OGDHL: variants seen among roughly 807,000 people sequenced by gnomAD.
OGDHL encodes oxoglutarate dehydrogenase L.
In OGDHL, 79 loss-of-function variants were observed where a neutral mutation model predicts 109.6. The ratio of observed to expected loss-of-function variants is 0.72; its 90% CI spans 0.60 to 0.87. The LOEUF is 0.87. Among genes scored for constraint, OGDHL ranks in the 40% least tolerant of loss-of-function variants. The pLI is 0.00. For missense variants in OGDHL, 1,275 were observed against 1,362.2 expected (o/e 0.94, Z 1.01); for synonymous variants, 528 against 537.2 (o/e 0.98, Z 0.24).
chr10:49,761,095 C>A (rs1181136097), intron 1 of OGDHL, among the ~76,000 whole-genome samples: 1 of 152,180 alleles, frequency 6.6e-6, no homozygotes. Flanking sequence ...GGCTCAGTAT[C>A]TAGAGCCAGA....
Position 49,746,735 on chromosome 10 carries a change from A to C in OGDHL, c.1296+15T>G, listed in dbSNP as rs1842210741. On this transcript the variant is annotated intron_variant, in intron 10 of 22. Coordinates refer to ENST00000374103, the MANE Select transcript of OGDHL (RefSeq NM_018245.3). The stretch of plus-strand genomic sequence containing the variant: ...GCTGACGCTGTGAGGCCCAGCGTGG[A>C]GCCTACATGCTCACCTGGTTGTTGA... The C allele has an allele frequency of 6.2e-7, 1 of 1,613,426 alleles. No individual in the cohort carries two copies. Among genetic ancestry groups the C allele is most frequent in the African/African-American group, 1.3e-5 (1 of 74,926 alleles).
intron 12 of OGDHL, 130 bp downstream of exon 12, chr10:49,745,214 G>T: frequency 8.2e-7 from 1 of 1,213,360 alleles, no homozygotes; most frequent in Non-Finnish European, 1.1e-6. Flanking sequence ...GGGCCTCTTG[G>T]GGACAAGGAC....
intron 16 of OGDHL, among the ~76,000 whole-genome samples, 162 bp downstream of exon 16, chr10:49,740,548 C>A (rs1004327354): frequency 6.6e-6 from 1 of 152,080 alleles, no homozygotes; most frequent in Non-Finnish European, 1.5e-5. Flanking sequence ...TCCCACATGG[C>A]CTTAGGTGAG....
At chr10:49,735,384 G>C in intron 22 of OGDHL, 33 bp from the exon 23 acceptor site, 4 of 1,603,976 alleles carry the variant, frequency 2.5e-6, no homozygotes, top group Non-Finnish European at 2.6e-6. Flanking sequence ...AGGGGAAGGC[G>C]GGGCCTAGCC....
chr10:49,735,905 T>C, intron 22 of OGDHL, 118 bp downstream of exon 22: 1 of 1,149,666 alleles, frequency 8.7e-7, no homozygotes, highest in African/African-American at 1.5e-5. Context: ...TGCCCCATCA[T>C]TGCTCATCAC....
intron 17 of OGDHL, chr10:49,739,404 A>G (rs1841467350): frequency 4.5e-6 from 2 of 445,310 alleles, no homozygotes; most frequent in Non-Finnish European, 4.0e-6. Context: ...TGGAAGAGTT[A>G]ACATTCAGAA....
chr10:49,747,944 A>G (rs963899838), intron 8 of OGDHL, among the ~76,000 whole-genome samples: 3 of 152,236 alleles, frequency 2.0e-5, no homozygotes, highest in African/African-American at 7.2e-5. Flanking sequence ...AATTCATAAC[A>G]AAGAAATGCA....
intron 1 of OGDHL, among the ~76,000 whole-genome samples, 159 bp downstream of exon 1, chr10:49,762,068 GAGCCAAGGTCAC>G (rs997143316): frequency 2.6e-5 from 4 of 152,136 alleles, no homozygotes; most frequent in Non-Finnish European, 5.9e-5. Context: ...GCCAAGGTCA[GAGCCAAGGTCAC>G]AGTCTGTTCC....
intron 17 of OGDHL, chr10:49,739,190 C>T (rs1841450675): frequency 6.5e-6 from 1 of 153,638 alleles, no homozygotes. Context: ...ATGCACCCAG[C>T]CTGCATGTCT....
chr10:49,750,112 C>A (rs377147645), intron 7 of OGDHL, among the ~76,000 whole-genome samples: 9 of 152,278 alleles, frequency 5.9e-5, no homozygotes, highest in Middle Eastern at 3.4e-3. Context: ...GGCAGGCCAG[C>A]CACGAATGGG....
intron 3 of OGDHL, among the ~76,000 whole-genome samples, chr10:49,753,804 C>A (rs12254468): frequency 6.7e-6 from 1 of 149,350 alleles, no homozygotes; most frequent in African/African-American, 2.5e-5. Context: ...GCAGGAGAAT[C>A]GCTTGAATCT....
chr10:49,738,683 A>G (rs1323334417), intron 17 of OGDHL: 2 of 205,040 alleles, frequency 9.8e-6, no homozygotes, highest in African/African-American at 2.3e-5. Context: ...AGGCAAGGAG[A>G]GGGTAAGAAA....
intron 16 of OGDHL, among the ~76,000 whole-genome samples, chr10:49,740,121 C>G (rs1841536969): frequency 6.6e-6 from 1 of 152,116 alleles, no homozygotes; most frequent in South Asian, 2.1e-4. Context: ...GTCAAGAACT[C>G]CTTAAAAACA....
chr10:49,746,693 C>T, intron 10 of OGDHL, 57 bp downstream of exon 10: 5 of 1,600,476 alleles, frequency 3.1e-6, no homozygotes, highest in Admixed American at 3.4e-5. Context: ...CAAGCTACTG[C>T]CTGGATTTCC....
chr10:49,736,364 A>T lies in OGDHL; in HGVS notation c.2747T>A (p.Leu916Gln). 1 of 1,614,126 alleles carries T rather than the reference A, an allele frequency of 6.2e-7. No homozygotes were observed. Reference sequence around the variant, plus strand: ...CAAGGGGTTCAGGCACACCTGCTCCAGGCGCGTGATGGCCACTTTCTCCTC... The same window carrying T: ...CAAGGGGTTCAGGCACACCTGCTCCTGGCGCGTGATGGCCACTTTCTCCTC... ...DLEEKVAITR[L>Q]EQISPFPFDL... The change falls in exon 21 of 23, where the codon CTG becomes CAG. Residue 916 changes from leucine (L) to glutamine (Q), a missense_variant. Physicochemically the swap from Leu to Gln is moderately radical, Grantham distance 113. Transcript: ENST00000374103.
At chr10:49,756,521 G>C in intron 3 of OGDHL, 2 of 345,074 alleles carry the variant, frequency 5.8e-6, no homozygotes, top group Non-Finnish European at 5.2e-6. Flanking sequence ...CCACGTACTC[G>C]GGGCATGGTG....
At position 49,750,964 on chromosome 10, in the gene OGDHL, C is replaced by T; in HGVS notation, c.771G>A (p.Arg257=). 1 of 1,606,710 alleles carries T rather than the reference C, an allele frequency of 6.2e-7. No individual in the cohort carries two copies. Among genetic ancestry groups the T allele is most frequent in the Non-Finnish European group, 8.5e-7 (1 of 1,175,256 alleles). ...CAAACCGCTTCTCTGAGGACCATTTCCGGGCCAGGAAGTCTTCAAACCTGC... is the reference window on the plus strand; with the variant it reads ...CAAACCGCTTCTCTGAGGACCATTTTCGGGCCAGGAAGTCTTCAAACCTGC... The part of the protein sequence containing the change: ...RSMRFEDFLA[R]KWSSEKRFGL... Residue 257 remains arginine (R), a synonymous_variant, in exon 7 of 23, where the codon CGG becomes CGA. Transcript: ENST00000374103.
Position 49,746,804 on chromosome 10 carries a change from G to A in OGDHL, c.1242C>T (p.Ser414=), listed in dbSNP as rs75974530. 3.5e-3 allele frequency: 5,674 copies of A among 1,614,098 alleles called. 151 individuals are homozygous for A. In the African/African-American group the frequency reaches 0.064, roughly 18 times the overall value. The part of the protein sequence containing the change: ...QGVVYETFHL[S]DLPSYTTNGT... ...CATTGGTCGTGTAGGAGGGCAGGTC[G>A]CTCAGGTGGAAGGTCTCATATACCA... The change falls in exon 10 of 23, where the codon AGC becomes AGT. Residue 414 remains serine (S), a synonymous_variant. Transcript: ENST00000374103.
intron 2 of OGDHL, 114 bp from the exon 3 acceptor site, chr10:49,757,060 G>A (rs1354007771): frequency 9.6e-7 from 1 of 1,042,150 alleles, no homozygotes; most frequent in African/African-American, 1.6e-5. Context: ...ACAGCTCTCA[G>A]GGCCTTCCCA....
Sources: allele counts gnomAD v4.1 joint callset (sites outside exome capture counted in the v4.1 genomes callset), GRCh38; gene constraint gnomAD v4.1.1; transcripts MANE v1.5; gene names NCBI Gene and HGNC (gene_info 2026-07-23, HGNC 2026-07-21).